Variants in ZNF441 observed in about 807,000 individuals in gnomAD.
The protein encoded by ZNF441 is zinc finger protein 441.
ZNF441 carries 25 observed loss-of-function variants against 64.5 expected under a neutral mutation model. The observed-to-expected ratio is 0.39, with a 90% CI of 0.28 to 0.54. The LOEUF (loss-of-function observed/expected upper bound fraction) is 0.54, where lower values mean the gene tolerates loss of function less well. Ranked by LOEUF, ZNF441 falls within the 20% of genes least tolerant of loss-of-function variation. The probability of loss-of-function intolerance (pLI) is 0.70; values close to 1 mark genes in which losing one functional copy is unlikely to be tolerated. For synonymous variants in ZNF441, 262 were observed against 268.0 expected (o/e 0.98, Z 0.22); for missense variants, 715 against 843.3 (o/e 0.85, Z 1.88).
rs761219801 is a variant in ZNF441 at position 11,780,879 on chromosome 19, G to A, written c.1055G>A (p.Arg352Gln). 9.9e-6 allele frequency: 16 copies of A among 1,613,496 alleles called. No homozygotes were observed. Among genetic ancestry groups the A allele is most frequent in the East Asian group, 2.2e-5 (1 of 44,828 alleles). The change falls in exon 4 of 4, where the codon CGA becomes CAA. Residue 352 changes from arginine to glutamine, a missense_variant. This residue lies in a region of ZNF441 where 316 missense variants were observed against 429.3 expected (regional missense o/e 0.74). Transcript: ENST00000357901. The part of the protein sequence containing the change: ...GKAFSDCTGF[R>Q]RHMITHTGDG... ...GCATTCTCTGATTGCACAGGTTTTC[G>A]AAGACACATGATAACGCACACTGGA...
rs1975274667 is a variant in ZNF441 at position 11,767,006 on chromosome 19, C to T, written c.-188C>T. 1.3e-6 allele frequency: 1 copy of T among 794,060 alleles called. No individual in the cohort carries two copies. The highest frequency in any genetic ancestry group is 2.0e-6 in the Non-Finnish European group (1 of 500,920). The allele number at this position is 794,060 out of a possible 1,614,324, so 49.2% of individuals were successfully genotyped here. On this transcript the variant is annotated 5_prime_UTR_variant, in exon 1 of 4. Coordinates refer to ENST00000357901, the MANE Select transcript of ZNF441 (RefSeq NM_152355.3). This position sits in a 1 kb window ranked among gnomAD's most constrained non-coding sequence, Gnocchi z 5.1. ...GGGCGGGGTCGTGAGAACTGTCAAT[C>T]AGGCGCACTGACCGGAGGAGGGTGC...
In ZNF441 at chr19:11,776,389, A is replaced by G. The variant is rs145583512; in HGVS notation, c.4-1222A>G. 2.1e-3 allele frequency among the ~76,000 whole-genome samples: 313 copies of G among 152,276 alleles called. 1 individual carries two copies. The highest frequency in any genetic ancestry group is 7.4e-3 in the African/African-American group (307 of 41,544). ...GGGTACTGAATATAATATATTCACCATACTTTATCTGTTTTTGGAAAGCTG... is the reference window on the plus strand; with the variant it reads ...GGGTACTGAATATAATATATTCACCGTACTTTATCTGTTTTTGGAAAGCTG... On this transcript the variant is annotated intron_variant, in intron 1 of 3. Coordinates refer to ENST00000357901, the MANE Select transcript of ZNF441 (RefSeq NM_152355.3).
At chr19:11,770,799 G>C (rs1191346550) in intron 1 of ZNF441, among the ~76,000 whole-genome samples, 3 of 151,942 alleles carry the variant, frequency 2.0e-5, no homozygotes, top group Non-Finnish European at 4.4e-5. Flanking sequence ...ATGTTGCCGA[G>C]GCTGGTCTTG....
At chr19:11,777,968 G>T in intron 2 of ZNF441, 2 of 436,090 alleles carry the variant, frequency 4.6e-6, no homozygotes, top group Non-Finnish European at 8.1e-6. Flanking sequence ...TATGTCATAT[G>T]TATTACATGC....
In ZNF441 at chr19:11,767,225, G is replaced by T; in HGVS notation, c.3+29G>T. 6.4e-7 allele frequency: 1 copy of T among 1,556,896 alleles called. No homozygotes were observed. Among genetic ancestry groups the T allele is most frequent in the South Asian group, 1.2e-5 (1 of 84,548 alleles). On this transcript the variant is annotated intron_variant, in intron 1 of 3. Transcript: ENST00000357901. The surrounding 1 kb of genome is among the most constrained non-coding windows in gnomAD (Gnocchi z 5.1). ...AGTGTGTGAGGTCTGGTGTCCCGAC[G>T]CGTGAGAGGAGAGACTGGTTGGAAC...
Position 11,784,051 on chromosome 19 carries a change from G to T in ZNF441, c.*2145G>T, listed in dbSNP as rs1304036372. 4.6e-5 allele frequency: 7 copies of T among 152,102 alleles called. No individual in the cohort carries two copies. The highest frequency in any genetic ancestry group is 1.9e-4 in the East Asian group (1 of 5,196). The allele number at this position is 152,102 out of a possible 1,614,324, so 9.4% of individuals were successfully genotyped here. ...ATATGTAAAATATGTATCAATAAAA[G>T]AAAATATATAAGATAGTTTTAAAAT... is the stretch of plus-strand genomic sequence containing the variant. On this transcript the variant is annotated 3_prime_UTR_variant, in exon 4 of 4. Transcript: ENST00000357901.
At position 11,783,757 on chromosome 19, in the gene ZNF441, G is replaced by A. The variant is rs1283998996; in HGVS notation, c.*1851G>A. ...ATAGGGAATAGAATAAGTTATCCGGGGCTGAGAAGGGGAAATGAAGAGAAA... is the reference window on the plus strand; with the variant it reads ...ATAGGGAATAGAATAAGTTATCCGGAGCTGAGAAGGGGAAATGAAGAGAAA... On this transcript the variant is annotated 3_prime_UTR_variant, in exon 4 of 4. Transcript: ENST00000357901. 1 of 152,094 alleles carries A rather than the reference G, an allele frequency of 6.6e-6. No homozygotes were observed. Among genetic ancestry groups the A allele is most frequent in the Non-Finnish European group, 1.5e-5 (1 of 68,016 alleles). The allele number at this position is 152,094 out of a possible 1,614,324, so 9.4% of individuals were successfully genotyped here.
chr19:11,783,880 A>G lies in ZNF441; in HGVS notation c.*1974A>G, dbSNP rs1975424287. 6.6e-6 allele frequency: 1 copy of G among 152,230 alleles called. No homozygotes were observed. The highest frequency in any genetic ancestry group is 1.5e-5 in the Non-Finnish European group (1 of 68,038). 9.4% of individuals were successfully genotyped at this position (152,230 alleles called of 1,614,324 possible). A position where few individuals can be genotyped will look rare whatever the true frequency, so the allele number is the denominator to read the frequency against. ...ACTATAGTTAGCAAAAATATATTGC[A>G]TATTTCAAAGTAGTTGGAAGAGAGG... On this transcript the variant is annotated 3_prime_UTR_variant, in exon 4 of 4. Coordinates refer to ENST00000357901, the MANE Select transcript of ZNF441 (RefSeq NM_152355.3).
At chr19:11,779,318 C>CAAAAAAA (rs67463970) in intron 3 of ZNF441, among the ~76,000 whole-genome samples, 1 of 103,424 alleles carries the variant, frequency 9.7e-6, no homozygotes, top group Admixed American at 1.1e-4. Flanking sequence ...AACCCAGTTT[C>CAAAAAAA]AAAAAAAAAA....
intron 3 of ZNF441, 120 bp downstream of exon 3, chr19:11,778,513 C>T: frequency 1.3e-6 from 1 of 770,174 alleles, no homozygotes. Flanking sequence ...GGCTGGAGTA[C>T]AGTGGTATGA....
At chr19:11,769,965 T>C (rs1975300492) in intron 1 of ZNF441, among the ~76,000 whole-genome samples, 1 of 152,132 alleles carries the variant, frequency 6.6e-6, no homozygotes, top group East Asian at 1.9e-4. Flanking sequence ...TGAGCCACCG[T>C]GCCCAGCCTG....
chr19:11,777,698 G>A lies in ZNF441; in HGVS notation c.91G>A (p.Asp31Asn). ...LGPSQKSLYRDVMQETIRNLD... is the reference protein window; with the variant it reads ...LGPSQKSLYRNVMQETIRNLD... ...TCCATCACAGAAGAGTCTCTACAGA[G>A]ATGTGATGCAGGAAACCATCAGAAA... Residue 31 changes from aspartate to asparagine, a missense_variant, in exon 2 of 4, where the codon GAT (aspartate) becomes AAT (asparagine). Asp to Asn is a conservative substitution (Grantham distance 23). Coordinates refer to ENST00000357901, the MANE Select transcript of ZNF441 (RefSeq NM_152355.3). The A allele has an allele frequency of 6.2e-7, 1 of 1,613,368 alleles. No individual in the cohort carries two copies. Among genetic ancestry groups the A allele is most frequent in the Admixed American group, 1.7e-5 (1 of 59,826 alleles).
At position 11,780,449 on chromosome 19, in the gene ZNF441, AG is replaced by A; in HGVS notation, c.626del (p.Ser209IlefsTer32). Reference sequence around the variant, plus strand: ...GTGTGGAAACGCCTTTATTTGGCCTAGTTTATTTCATATGCTTAGAAGAACT... The same window carrying A: ...GTGTGGAAACGCCTTTATTTGGCCTATTTATTTCATATGCTTAGAAGAACT... The part of the protein sequence containing the change: ...KLCGNAFIWP[S>X]LFHMLRRTHT... On this transcript the variant is annotated frameshift_variant, in exon 4 of 4. Coordinates refer to ENST00000357901, the MANE Select transcript of ZNF441 (RefSeq NM_152355.3). LOFTEE classifies it high-confidence loss of function. The A allele has an allele frequency of 6.2e-7, 1 of 1,614,200 alleles. No homozygotes were observed. Among genetic ancestry groups the A allele is most frequent in the African/African-American group, 1.3e-5 (1 of 75,058 alleles).
intron 3 of ZNF441, among the ~76,000 whole-genome samples, chr19:11,779,318 C>CAAAAAA (rs67463970): frequency 8.7e-5 from 9 of 103,386 alleles, no homozygotes; most frequent in Non-Finnish European, 1.2e-4. Flanking sequence ...AACCCAGTTT[C>CAAAAAA]AAAAAAAAAA....
chr19:11,778,077 T>C (rs758896020), intron 2 of ZNF441: 1 of 448,256 alleles, frequency 2.2e-6, no homozygotes, highest in South Asian at 3.4e-5. Context: ...AAATACAACA[T>C]TACAAAGTTT....
At chr19:11,768,449 G>T (rs1161683064) in intron 1 of ZNF441, among the ~76,000 whole-genome samples, 2 of 152,142 alleles carry the variant, frequency 1.3e-5, no homozygotes, top group Non-Finnish European at 2.9e-5. Flanking sequence ...ATCATCCCTA[G>T]ACAGAGACAC....
rs1975278413 is a variant in ZNF441, at chr19:11,767,324, C to G, written c.3+128C>G. On this transcript the variant is annotated intron_variant, in intron 1 of 3. Transcript: ENST00000357901. This position sits in a 1 kb window ranked among gnomAD's most constrained non-coding sequence, Gnocchi z 5.1. ...CCTGGCGCAGCTCGGCCCTCGGTTC[C>G]CTCGGCCGCACGATGGGGCTGGGGC... 1 of 1,440,562 alleles carries G rather than the reference C, an allele frequency of 6.9e-7. No individual in the cohort carries two copies. Among genetic ancestry groups the G allele is most frequent in the African/African-American group, 1.4e-5 (1 of 70,398 alleles). 89.2% of individuals were successfully genotyped at this position (1,440,562 alleles called of 1,614,324 possible).
intron 1 of ZNF441, among the ~76,000 whole-genome samples, chr19:11,768,460 C>G (rs138371561): frequency 8.5e-5 from 13 of 152,280 alleles, no homozygotes; most frequent in African/African-American, 3.1e-4. Flanking sequence ...ACAGAGACAC[C>G]TTTTGAGAAT....
intron 1 of ZNF441, among the ~76,000 whole-genome samples, chr19:11,771,836 TCCCCGGGGGA>T (rs1975316244): frequency 6.6e-6 from 1 of 152,174 alleles, no homozygotes; most frequent in Admixed American, 6.5e-5. Flanking sequence ...AGTCTCCTTT[TCCCCGGGGGA>T]GTTTAGAGAA....
Sources: gnomAD v4.1 joint callset for allele counts (sites outside exome capture counted in the v4.1 genomes callset) on GRCh38, gnomAD v4.1.1 for gene constraint, gnomAD v4.1.1 regional missense constraint, Gnocchi (gnomAD v3.1) non-coding constraint, MANE v1.5 for transcripts, NCBI Gene and HGNC (gene_info 2026-07-23, HGNC 2026-07-21) for gene names.